Variants in TBC1D2B observed in about 807,000 individuals in gnomAD.
The protein encoded by TBC1D2B is TBC1 domain family member 2B, also known as TBC1 domain family, member 2B.
A neutral mutation model predicts 100.8 loss-of-function variants in TBC1D2B; 64 were observed. The ratio of observed to expected loss-of-function variants is 0.64; its 90% confidence interval spans 0.52 to 0.78. The LOEUF (loss-of-function observed/expected upper bound fraction) is 0.78, where lower values mean the gene tolerates loss of function less well. TBC1D2B is among the 30% of genes least tolerant of loss of function. The pLI is 0.00. For missense variants in TBC1D2B, 1,052 were observed against 1,218.4 expected (o/e 0.86, Z 2.03); for synonymous variants, 480 against 479.7 (o/e 1.00, Z -0.01).
At chr15:78,033,186 A>G (rs141358969) in intron 3 of TBC1D2B, among the ~76,000 whole-genome samples, 1 of 152,362 alleles carries the variant, frequency 6.6e-6, no homozygotes, top group Non-Finnish European at 1.5e-5. Context: ...TTCATTATGA[A>G]GAGACATCTT....
intron 10 of TBC1D2B, among the ~76,000 whole-genome samples, chr15:78,005,544 T>G (rs1195468838): frequency 6.6e-6 from 1 of 152,194 alleles, no homozygotes; most frequent in Non-Finnish European, 1.5e-5. Flanking sequence ...AAACACATTC[T>G]AGCACCCACC....
rs1452012975 is a variant in TBC1D2B, at chr15:78,025,291, C to T, written c.1054G>A (p.Glu352Lys). The T allele has an allele frequency of 1.2e-6, 2 of 1,613,660 alleles. No individual in the cohort carries two copies. The highest frequency in any genetic ancestry group is 1.7e-6 in the Non-Finnish European group (2 of 1,179,892). ...CTGGACAGGTCTTTCTTTAACTGTTCCAGCTCTTCCTGCTGGCTCTGGACC... is the reference window on the plus strand; with the variant it reads ...CTGGACAGGTCTTTCTTTAACTGTTTCAGCTCTTCCTGCTGGCTCTGGACC... ...LQVQSQQEEL[E>K]QLKKDLSSQK... Residue 352 changes from glutamate (E) to lysine (K), a missense_variant, in exon 5 of 13, where the codon GAA becomes AAA. Physicochemically the swap from Glu to Lys is moderately conservative, Grantham distance 56 (BLOSUM62 1). Coordinates refer to ENST00000300584, the MANE Select transcript of TBC1D2B (RefSeq NM_144572.2).
intron 3 of TBC1D2B, among the ~76,000 whole-genome samples, chr15:78,031,780 G>A (rs909022860): frequency 3.9e-5 from 6 of 151,988 alleles, no homozygotes; most frequent in African/African-American, 7.3e-5. Flanking sequence ...TACCCTCCCC[G>A]GTGAAAACTA....
At chr15:78,018,488 T>C (rs1308959710) in intron 6 of TBC1D2B, among the ~76,000 whole-genome samples, 1 of 152,218 alleles carries the variant, frequency 6.6e-6, no homozygotes, top group Non-Finnish European at 1.5e-5. Context: ...AGAGAACATA[T>C]TCTTCAACAC....
At chr15:78,075,558 C>G (rs2073815763) in intron 1 of TBC1D2B, among the ~76,000 whole-genome samples, 1 of 152,216 alleles carries the variant, frequency 6.6e-6, no homozygotes. Context: ...GCTCTATTTT[C>G]TTTAACAAAC....
chr15:78,066,027 A>G (rs1356265489), intron 1 of TBC1D2B: 1 of 471,022 alleles, frequency 2.1e-6, no homozygotes. Context: ...AGTACTTACC[A>G]GCTCTTTGGT....
chr15:78,035,107 T>G (rs1460701460), intron 3 of TBC1D2B, among the ~76,000 whole-genome samples: 1 of 152,144 alleles, frequency 6.6e-6, no homozygotes, highest in Non-Finnish European at 1.5e-5. Context: ...GCGTGCCAGG[T>G]GCCCACCTAT....
intron 4 of TBC1D2B, among the ~76,000 whole-genome samples, chr15:78,029,433 G>A (rs539729990): frequency 5.9e-5 from 9 of 152,162 alleles, no homozygotes; most frequent in Admixed American, 4.6e-4. Context: ...GTTGCAGATT[G>A]CAATTAAATA....
chr15:78,071,358 A>C (rs1375100304), intron 1 of TBC1D2B, among the ~76,000 whole-genome samples: 1 of 152,250 alleles, frequency 6.6e-6, no homozygotes, highest in Non-Finnish European at 1.5e-5. Flanking sequence ...CATAACTAAA[A>C]GTTAAAACAC....
rs533368837 is a variant in TBC1D2B at position 78,024,441 on chromosome 15, G to A, written c.1185C>T (p.Leu395=). ...RLCEGVPKDT[L]ELLHQKDDQI... ...GATCATCCTTTTGGTGCAGAAGCTCGAGCGTGTCCTTTGGGACCCCCTCAC... is the reference window on the plus strand; with the variant it reads ...GATCATCCTTTTGGTGCAGAAGCTCAAGCGTGTCCTTTGGGACCCCCTCAC... The change falls in exon 6 of 13, where the codon CTC becomes CTT. Residue 395 remains leucine, a synonymous_variant. Transcript: ENST00000300584. 7.5e-5 allele frequency: 121 copies of A among 1,614,022 alleles called. 1 individual carries two copies. In the South Asian group the frequency reaches 8.0e-4, roughly 11 times the overall value.
chr15:78,062,840 C>T (rs1164567517), intron 1 of TBC1D2B, among the ~76,000 whole-genome samples: 6 of 152,170 alleles, frequency 3.9e-5, no homozygotes, highest in Non-Finnish European at 8.8e-5. Context: ...ATTTAACCCT[C>T]GTAACTAACT....
Position 78,066,684 on chromosome 15 carries a change from T to A in TBC1D2B, c.360+10609A>T, listed in dbSNP as rs2073663057. ...TCAGCATGTTACCTCTACAACAGTA[T>A]ATACAAGAGAGCTGTGTAAACAGTA... On this transcript the variant is annotated intron_variant, in intron 1 of 12. Coordinates refer to ENST00000300584, the MANE Select transcript of TBC1D2B (RefSeq NM_144572.2). Among the ~76,000 whole-genome samples the A allele has an allele frequency of 2.6e-5, 4 of 152,198 alleles. No homozygotes were observed. The South Asian group carries it at 8.3e-4, about 32-fold the overall frequency.
At chr15:78,053,484 G>A (rs796857185) in intron 2 of TBC1D2B, among the ~76,000 whole-genome samples, 7 of 152,282 alleles carry the variant, frequency 4.6e-5, no homozygotes, top group African/African-American at 1.4e-4. Context: ...GCAAATAATT[G>A]TTGTTCTGTT....
rs1376510222 is a variant in TBC1D2B, at chr15:78,003,488, C to A, written c.2391G>T (p.Val797=). The A allele has an allele frequency of 2.5e-6, 4 of 1,606,390 alleles. No individual in the cohort carries two copies. Among genetic ancestry groups the A allele is most frequent in the East Asian group, 4.5e-5 (2 of 44,670 alleles). The change falls in exon 11 of 13, where the codon GTG becomes GTT. Residue 797 remains valine, a splice_region_variant and synonymous_variant. Transcript: ENST00000300584. ...TAAGGTCTCTGAACACCCGCTGGTC[C>A]ACCTGGAGAGGGAACAAAGGGGAGA... ...YYTKTLLGSQ[V]DQRVFRDLMS... is the part of the protein sequence containing the mutation.
chr15:78,016,095 A>G (rs561832976), intron 8 of TBC1D2B, among the ~76,000 whole-genome samples: 1 of 152,300 alleles, frequency 6.6e-6, no homozygotes, highest in Non-Finnish European at 1.5e-5. Context: ...ACAGGTTATG[A>G]GAGGGTTCTT....
At chr15:78,073,029 C>T (rs2073764737) in intron 1 of TBC1D2B, among the ~76,000 whole-genome samples, 2 of 152,154 alleles carry the variant, frequency 1.3e-5, no homozygotes, top group African/African-American at 4.8e-5. Flanking sequence ...ACGCCTTATC[C>T]GATCCCCAAC....
intron 10 of TBC1D2B, among the ~76,000 whole-genome samples, chr15:78,003,813 A>G (rs1332957018): frequency 6.6e-6 from 1 of 152,242 alleles, no homozygotes; most frequent in Non-Finnish European, 1.5e-5. Flanking sequence ...CAGGTAGGAC[A>G]GTCAGCCTTG....
In TBC1D2B at chr15:77,995,268, C is replaced by CA. The variant is rs910450288; in HGVS notation, c.*2891dup. The CA allele has an allele frequency of 6.6e-6, 1 of 152,216 alleles. No individual in the cohort carries two copies. Among genetic ancestry groups the CA allele is most frequent in the African/African-American group, 2.4e-5 (1 of 41,450 alleles). 9.4% of individuals were successfully genotyped at this position (152,216 alleles called of 1,614,324 possible). On this transcript the variant is annotated 3_prime_UTR_variant, in exon 13 of 13. Coordinates refer to ENST00000300584, the MANE Select transcript of TBC1D2B (RefSeq NM_144572.2). ...ATGGCAGGTGGGGATCTGTGCAATACAAACATGTAGCTAGAAAACCCAACC... is the reference window on the plus strand; with the variant it reads ...ATGGCAGGTGGGGATCTGTGCAATACAAAACATGTAGCTAGAAAACCCAACC...
chr15:78,031,554 C>CAAAAAAAAAAAAAAAAA lies in TBC1D2B; in HGVS notation c.684-1401_684-1385dup, dbSNP rs1225713046. On this transcript the variant is annotated intron_variant, in intron 3 of 12. Coordinates refer to ENST00000300584, the MANE Select transcript of TBC1D2B (RefSeq NM_144572.2). ...GGGCGATAGAGCAAGACTCTGTCTC[C>CAAAAAAAAAAAAAAAAA]AAAAAAAAAAAAAAAAAAAAAGAGA... 5.5e-5 allele frequency among the ~76,000 whole-genome samples: 3 copies of CAAAAAAAAAAAAAAAAA among 54,910 alleles called. 1 individual carries two copies. The highest frequency in any genetic ancestry group is 7.5e-5 in the African/African-American group (1 of 13,330). 36.0% of individuals were successfully genotyped at this position (54,910 alleles called of 152,430 possible).
Sources: allele counts gnomAD v4.1 joint callset (sites outside exome capture counted in the v4.1 genomes callset), GRCh38; gene constraint gnomAD v4.1.1; transcripts MANE v1.5; gene names NCBI Gene and HGNC (gene_info 2026-07-23, HGNC 2026-07-21).